ZGRF1: variants seen among roughly 807,000 people sequenced by gnomAD.
ZGRF1 encodes the protein 5'-3' DNA helicase ZGRF1.
ZGRF1 carries 196 observed loss-of-function variants against 203.5 expected under a neutral mutation model. The ratio of observed to expected loss-of-function variants is 0.96; its 90% CI spans 0.86 to 1.08. The LOEUF is 1.08. ZGRF1 is among the 50% of genes least tolerant of loss of function. The pLI is 0.00. For missense variants in ZGRF1, 2,326 were observed against 2,416.3 expected, an observed-to-expected ratio of 0.96 and a Z score of 0.78; for synonymous variants, 809 against 841.3, an observed-to-expected ratio of 0.96 and a Z score of 0.66.
chr4:112,625,242 T>C (rs542162267), intron 3 of ZGRF1, among the ~76,000 whole-genome samples: 132 of 152,254 alleles, frequency 8.7e-4, no homozygotes, highest in Middle Eastern at 3.4e-3. Context: ...TGAACTATGA[T>C]TGCACCACTG....
chr4:112,585,729 CAAAAAAA>C lies in ZGRF1; in HGVS notation c.3917-11_3917-5del, dbSNP rs759726940. 8.6e-7 allele frequency: 1 copy of C among 1,161,808 alleles called. No homozygotes were observed. Among genetic ancestry groups the C allele is most frequent in the Non-Finnish European group, 1.1e-6 (1 of 909,354 alleles). 72.0% of individuals were successfully genotyped at this position (1,161,808 alleles called of 1,614,324 possible). On this transcript the variant is annotated splice_region_variant and splice_polypyrimidine_tract_variant and intron_variant, in intron 13 of 27. Coordinates refer to ENST00000505019, the MANE Select transcript of ZGRF1 (RefSeq NM_018392.5). ...AACAGCAATATATTTAGATGTTCTA[CAAAAAAA>C]AAAAAAAGAGAGCAGAAAATTAAAT...
chr4:112,603,436 T>A (rs1021157464), intron 10 of ZGRF1, 88 bp downstream of exon 10: 13 of 845,310 alleles, frequency 1.5e-5, no homozygotes, highest in African/African-American at 3.4e-5. Flanking sequence ...AACTTATAAC[T>A]GTATAAACAA....
chr4:112,620,241 T>C, intron 4 of ZGRF1, 51 bp from the exon 5 acceptor site: 3 of 1,473,510 alleles, frequency 2.0e-6, no homozygotes, highest in South Asian at 1.3e-5. Context: ...TGATTATCTA[T>C]GTATTCCAGG....
chr4:112,561,925 T>TTC lies in ZGRF1; in HGVS notation c.4697+445_4697+446insGA, dbSNP rs1325589684. On this transcript the variant is annotated intron_variant, in intron 18 of 27. Coordinates refer to ENST00000505019, the MANE Select transcript of ZGRF1 (RefSeq NM_018392.5). ...ATTCCTTTTCTCTTTTTTTTTTTTT[T>TTC]TTTTTTTGAGATAGAGTTTCACTTG... Among the ~76,000 whole-genome samples the TTC allele has an allele frequency of 4.0e-5, 6 of 148,980 alleles. No homozygotes were observed. The East Asian group carries it at 1.2e-3, about 29-fold the overall frequency.
Position 112,560,756 on chromosome 4 carries a change from G to C in ZGRF1, c.4937C>G (p.Thr1646Ser). 6.3e-7 allele frequency: 1 copy of C among 1,594,672 alleles called. No homozygotes were observed. Among genetic ancestry groups the C allele is most frequent in the Middle Eastern group, 1.7e-4 (1 of 5,990 alleles). ...ACCATGTATGATTGTGATAGGGAAG[G>C]TATGAGTTTGCAGTTCCTTCACTTC... ...IEEVKELQTHTFPITIIHGVF... is the reference protein window; with the variant it reads ...IEEVKELQTHSFPITIIHGVF... Residue 1646 changes from threonine to serine, a missense_variant, in exon 19 of 28, where the codon ACC (threonine) becomes AGC (serine). Coordinates refer to ENST00000505019, the MANE Select transcript of ZGRF1 (RefSeq NM_018392.5).
In ZGRF1 at chr4:112,612,523, C is replaced by G; in HGVS notation, c.2667+1G>C. 2 of 1,588,918 alleles carry G rather than the reference C, an allele frequency of 1.3e-6. No homozygotes were observed. The highest frequency in any genetic ancestry group is 1.7e-6 in the Non-Finnish European group (2 of 1,162,198). Reference sequence around the variant, plus strand: ...CATACTCTTAGAAAAAAAACCTGTACCTGTTGAGAATCCTTGTGCAGATGA... The same window carrying G: ...CATACTCTTAGAAAAAAAACCTGTAGCTGTTGAGAATCCTTGTGCAGATGA... On this transcript the variant is annotated splice_donor_variant, in intron 7 of 27. Transcript: ENST00000505019. LOFTEE classifies it high-confidence loss of function.
intron 11 of ZGRF1, among the ~76,000 whole-genome samples, chr4:112,589,425 G>A (rs1431348670): frequency 2.6e-5 from 4 of 152,152 alleles, no homozygotes; most frequent in Admixed American, 6.5e-5. Context: ...CTGTAAAGGG[G>A]TCAGATGCTG....
intron 3 of ZGRF1, among the ~76,000 whole-genome samples, chr4:112,625,585 CAA>C (rs35757277): frequency 7.8e-5 from 8 of 102,368 alleles, no homozygotes; most frequent in Non-Finnish European, 9.6e-5. Context: ...GATTCCGTCT[CAA>C]AAAAAAAAAA....
chr4:112,606,325 T>A (rs1750771480), intron 8 of ZGRF1, among the ~76,000 whole-genome samples: 1 of 152,206 alleles, frequency 6.6e-6, no homozygotes, highest in Non-Finnish European at 1.5e-5. Context: ...ATTAGAAAAT[T>A]CTGATTCTAA....
At chr4:112,582,236 AT>A (rs1340833937) in intron 15 of ZGRF1, among the ~76,000 whole-genome samples, 1 of 150,486 alleles carries the variant, frequency 6.6e-6, no homozygotes, top group African/African-American at 2.4e-5. Context: ...TCTTCTAGTT[AT>A]TCTGATATAT....
chr4:112,558,417 G>A, intron 19 of ZGRF1, 108 bp from the exon 20 acceptor site: 1 of 894,586 alleles, frequency 1.1e-6, no homozygotes, highest in Non-Finnish European at 1.6e-6. Flanking sequence ...ACCCAGGCTG[G>A]AGTGCAGTGA....
At chr4:112,619,799 T>C in intron 5 of ZGRF1, 109 bp from the exon 6 acceptor site, 1 of 1,010,230 alleles carries the variant, frequency 9.9e-7, no homozygotes, top group Non-Finnish European at 1.4e-6. Context: ...TTGCCTAAGG[T>C]AAAGTAATAA....
At chr4:112,621,389 C>T (rs1479070777) in intron 4 of ZGRF1, among the ~76,000 whole-genome samples, 1 of 152,104 alleles carries the variant, frequency 6.6e-6, no homozygotes, top group East Asian at 1.9e-4. Flanking sequence ...GTGGCTCACA[C>T]CTGTAATCCT....
At chr4:112,622,929 A>G (rs1254856595) in intron 4 of ZGRF1, among the ~76,000 whole-genome samples, 1 of 152,132 alleles carries the variant, frequency 6.6e-6, no homozygotes, top group East Asian at 1.9e-4. Flanking sequence ...CCAAGTATTA[A>G]GTCTAGTACC....
chr4:112,605,775 G>C (rs1292440821), intron 9 of ZGRF1: 3 of 467,828 alleles, frequency 6.4e-6, no homozygotes, highest in Non-Finnish European at 1.1e-5. Flanking sequence ...TGTACGGAAG[G>C]ATAATGTAAA....
intron 7 of ZGRF1, among the ~76,000 whole-genome samples, chr4:112,610,519 C>T (rs912915577): frequency 3.0e-4 from 46 of 151,418 alleles, no homozygotes; most frequent in Middle Eastern, 6.9e-3. Flanking sequence ...TGCAGTAAGC[C>T]GAGATCATGC....
rs1741317657 is a variant in ZGRF1 at position 112,558,253 on chromosome 4, G to A, written c.5017C>T (p.Gln1673Ter). Residue 1673 changes from glutamine to a stop codon, truncating the protein, a stop_gained, in exon 20 of 28, where the codon CAG (glutamine) becomes TAG (stop). Transcript: ENST00000505019. LOFTEE classifies it high-confidence loss of function. ...LLAVVILFFV[Q>*]LFEKSEAPTI... is the part of the protein sequence containing the mutation. ...GGAGCTTCACTCTTTTCAAACAGCTGTACAAAGAACAAAATCACCACTGCC... is the reference window on the plus strand; with the variant it reads ...GGAGCTTCACTCTTTTCAAACAGCTATACAAAGAACAAAATCACCACTGCC... 6.3e-7 allele frequency: 1 copy of A among 1,596,942 alleles called. No individual in the cohort carries two copies. Among genetic ancestry groups the A allele is most frequent in the South Asian group, 1.1e-5 (1 of 87,422 alleles).
At chr4:112,554,824 A>C in intron 20 of ZGRF1, 42 bp from the exon 21 acceptor site, 1 of 1,075,084 alleles carries the variant, frequency 9.3e-7, no homozygotes. Context: ...TATTTAGGAA[A>C]CAGAATATAA....
At chr4:112,635,451 G>A (rs1030204339) in intron 1 of ZGRF1, among the ~76,000 whole-genome samples, 1 of 151,876 alleles carries the variant, frequency 6.6e-6, no homozygotes, top group African/African-American at 2.4e-5. Context: ...CAGAGACAGG[G>A]TCTCACTCTG....
Sources: gnomAD v4.1 joint callset for allele counts (sites outside exome capture counted in the v4.1 genomes callset) on GRCh38, gnomAD v4.1.1 for gene constraint, MANE v1.5 for transcripts, NCBI Gene and HGNC (gene_info 2026-07-23, HGNC 2026-07-21) for gene names.